Variants in HCN1 observed in about 807,000 individuals in gnomAD.
HCN1 encodes hyperpolarization activated cyclic nucleotide gated potassium channel 1, also known as potassium/sodium hyperpolarization-activated cyclic nucleotide-gated channel 1.
Under a neutral mutation model 78.9 loss-of-function variants are expected in HCN1, and 13 were observed. The observed-to-expected ratio is 0.16, with a 90% CI of 0.11 to 0.26. The LOEUF (loss-of-function observed/expected upper bound fraction) is 0.26, where lower values mean the gene tolerates loss of function less well. Ranked by LOEUF, HCN1 falls within the 10% of genes least tolerant of loss-of-function variation. The probability of loss-of-function intolerance (pLI) is 1.00; values close to 1 mark genes in which losing one functional copy is unlikely to be tolerated. For missense variants in HCN1, 810 were observed against 1,154.3 expected (o/e 0.70, Z 4.32); for synonymous variants, 552 against 455.5 (o/e 1.21, Z -2.70).
intron 6 of HCN1, 132 bp downstream of exon 6, chr5:45,303,467 C>T: frequency 1.2e-6 from 1 of 839,600 alleles, no homozygotes; most frequent in Non-Finnish European, 2.0e-6. Context: ...CTGTTATAGA[C>T]ACTTTTATCA....
At chr5:45,644,889 T>C (rs1170792043) in intron 2 of HCN1, 1 of 417,344 alleles carries the variant, frequency 2.4e-6, no homozygotes, top group Non-Finnish European at 4.2e-6. Context: ...AAAACCAAGG[T>C]GGGAAAGGGG....
chr5:45,478,330 CATAGACAA>C (rs1741567709), intron 2 of HCN1, among the ~76,000 whole-genome samples: 1 of 152,034 alleles, frequency 6.6e-6, no homozygotes, highest in South Asian at 2.1e-4. Flanking sequence ...GGAAAAGGGG[CATAGACAA>C]TAGACAGTAA....
At chr5:45,313,308 G>C (rs2111920595) in intron 5 of HCN1, among the ~76,000 whole-genome samples, 1 of 152,290 alleles carries the variant, frequency 6.6e-6, no homozygotes, top group East Asian at 1.9e-4. Context: ...TGAGGGTCCT[G>C]ACTGTTAGAA....
chr5:45,363,222 G>A (rs368149234), intron 4 of HCN1, among the ~76,000 whole-genome samples: 21 of 148,896 alleles, frequency 1.4e-4, no homozygotes, highest in Admixed American at 2.0e-4. Context: ...CATACAACGC[G>A]TCTTTCCTTG....
chr5:45,508,905 T>C (rs1742357668), intron 2 of HCN1, among the ~76,000 whole-genome samples: 1 of 152,082 alleles, frequency 6.6e-6, no homozygotes, highest in African/African-American at 2.4e-5. Flanking sequence ...GGTGAACAAA[T>C]GGTTTTCATC....
At chr5:45,498,561 G>A (rs193145681) in intron 2 of HCN1, among the ~76,000 whole-genome samples, 35 of 152,132 alleles carry the variant, frequency 2.3e-4, no homozygotes, top group East Asian at 1.2e-3. Context: ...TAATTTGATC[G>A]TCTGAAGCCT....
rs113100033 is a variant in HCN1, at chr5:45,552,005, T to C, written c.850-89998A>G. On this transcript the variant is annotated intron_variant, in intron 2 of 7. Transcript: ENST00000303230. The stretch of plus-strand genomic sequence containing the variant: ...ATATATACACAGTGACCATTAATTG[T>C]CCACTCTTAGAAATTTTTGCCACAA... Among the ~76,000 whole-genome samples the C allele has an allele frequency of 6.5e-3, 981 of 152,076 alleles. 5 individuals carry two copies. Among genetic ancestry groups the C allele is most frequent in the African/African-American group, 0.023 (948 of 41,530 alleles).
chr5:45,374,032 A>G (rs1408318853), intron 4 of HCN1, among the ~76,000 whole-genome samples: 153 of 99,530 alleles, frequency 1.5e-3, no homozygotes, highest in African/African-American at 4.9e-3. Flanking sequence ...TATATATTAT[A>G]TACATAATAT....
intron 2 of HCN1, among the ~76,000 whole-genome samples, chr5:45,546,406 T>C (rs79075175): frequency 0.038 from 5,820 of 151,990 alleles, 408 homozygotes; most frequent in African/African-American, 0.13. Context: ...TCAGCTTCTA[T>C]ATTTACACTT....
chr5:45,267,930 A>G (rs1255252070), intron 6 of HCN1, among the ~76,000 whole-genome samples: 1 of 152,216 alleles, frequency 6.6e-6, no homozygotes, highest in African/African-American at 2.4e-5. Context: ...TAAAATGTCC[A>G]CAAAGGAGTT....
At chr5:45,311,173 A>C (rs2111916602) in intron 5 of HCN1, among the ~76,000 whole-genome samples, 2 of 152,310 alleles carry the variant, frequency 1.3e-5, no homozygotes, top group Middle Eastern at 6.8e-3. Flanking sequence ...CTTAAAATGA[A>C]AGTTAAAAAA....
chr5:45,338,396 T>C (rs982191184), intron 5 of HCN1, among the ~76,000 whole-genome samples: 8 of 152,176 alleles, frequency 5.3e-5, no homozygotes, highest in African/African-American at 1.7e-4. Context: ...GTTGAAATCA[T>C]ACTATAAGAT....
chr5:45,324,180 C>T (rs1196372124), intron 5 of HCN1, among the ~76,000 whole-genome samples: 1 of 151,886 alleles, frequency 6.6e-6, no homozygotes, highest in Non-Finnish European at 1.5e-5. Context: ...TAAAGAGCTT[C>T]TGCACAGCAA....
chr5:45,319,091 T>G (rs913886356), intron 5 of HCN1, among the ~76,000 whole-genome samples: 4 of 152,046 alleles, frequency 2.6e-5, no homozygotes, highest in Non-Finnish European at 5.9e-5. Flanking sequence ...TCCATTCTAC[T>G]CTTCATGACA....
At chr5:45,514,965 G>A (rs114299506) in intron 2 of HCN1, among the ~76,000 whole-genome samples, 1,762 of 151,860 alleles carry the variant, frequency 0.012, 19 homozygotes, top group Middle Eastern at 0.034. Flanking sequence ...TAATTTGAGT[G>A]TTTTTAGATG....
intron 2 of HCN1, among the ~76,000 whole-genome samples, chr5:45,547,301 T>A (rs1371094369): frequency 6.6e-6 from 1 of 151,976 alleles, no homozygotes; most frequent in Non-Finnish European, 1.5e-5. Context: ...GCTACTAGAA[T>A]AATAAAACAC....
intron 3 of HCN1, among the ~76,000 whole-genome samples, chr5:45,412,186 C>A (rs1224990801): frequency 6.6e-6 from 1 of 152,054 alleles, no homozygotes; most frequent in African/African-American, 2.4e-5. Flanking sequence ...GTGACTCATG[C>A]CAGATTTTCC....
chr5:45,461,133 TATAG>T (rs1272032479), intron 3 of HCN1, among the ~76,000 whole-genome samples: 4 of 151,916 alleles, frequency 2.6e-5, no homozygotes, highest in Non-Finnish European at 5.9e-5. Flanking sequence ...ATAAAATATA[TATAG>T]AGAGATTTAT....
intron 6 of HCN1, among the ~76,000 whole-genome samples, chr5:45,298,377 T>C (rs1223997899): frequency 6.6e-6 from 1 of 152,006 alleles, no homozygotes; most frequent in Non-Finnish European, 1.5e-5. Flanking sequence ...ATTCTCCAAT[T>C]ACAGAATCCA....
Sources: gnomAD v4.1 joint callset for allele counts (sites outside exome capture counted in the v4.1 genomes callset) on GRCh38, gnomAD v4.1.1 for gene constraint, MANE v1.5 for transcripts, NCBI Gene and HGNC (gene_info 2026-07-23, HGNC 2026-07-21) for gene names.